Variants in ZNF804A observed in about 807,000 individuals in gnomAD.
ZNF804A encodes zinc finger protein 804A.
Under a neutral mutation model 16.5 loss-of-function variants are expected in ZNF804A, and 2 were observed. The observed-to-expected ratio is 0.12, with a 90% CI of 0.05 to 0.38. The LOEUF (loss-of-function observed/expected upper bound fraction) is 0.38, where lower values mean the gene tolerates loss of function less well. ZNF804A is among the 10% of genes least tolerant of loss of function. ZNF804A has a pLI of 0.99. For missense variants in ZNF804A, 1,473 were observed against 1,390.7 expected, an observed-to-expected ratio of 1.06 and a Z score of -0.94; for synonymous variants, 534 against 489.6, an observed-to-expected ratio of 1.09 and a Z score of -1.20.
At chr2:184,814,664 T>C (rs917703443) in intron 1 of ZNF804A, among the ~76,000 whole-genome samples, 1 of 152,020 alleles carries the variant, frequency 6.6e-6, no homozygotes, top group Non-Finnish European at 1.5e-5. Flanking sequence ...TAATCACTTG[T>C]CTGGTAGCTG....
chr2:184,764,436 T>G (rs1694086307), intron 1 of ZNF804A, among the ~76,000 whole-genome samples: 1 of 152,184 alleles, frequency 6.6e-6, no homozygotes, highest in African/African-American at 2.4e-5. Flanking sequence ...CACCTCAATT[T>G]CCTTGAGTAA....
intron 1 of ZNF804A, among the ~76,000 whole-genome samples, chr2:184,824,921 C>G (rs1695136018): frequency 6.6e-6 from 1 of 152,052 alleles, no homozygotes; most frequent in South Asian, 2.1e-4. Context: ...CCATTTGTGA[C>G]CTACTCTTAG....
chr2:184,863,038 T>G (rs2105809589), intron 1 of ZNF804A, among the ~76,000 whole-genome samples: 1 of 152,228 alleles, frequency 6.6e-6, no homozygotes, highest in South Asian at 2.1e-4. Flanking sequence ...ATTTAAAAAT[T>G]ATTTGAGTAA....
intron 1 of ZNF804A, among the ~76,000 whole-genome samples, chr2:184,774,920 C>CT (rs545485603): frequency 7.3e-4 from 108 of 148,098 alleles, no homozygotes; most frequent in African/African-American, 1.7e-3. Flanking sequence ...GGATCACTCT[C>CT]TTTTTTTTTT....
At chr2:184,619,249 T>G (rs1691380208) in intron 1 of ZNF804A, among the ~76,000 whole-genome samples, 1 of 152,076 alleles carries the variant, frequency 6.6e-6, no homozygotes. Context: ...ATGCATGTAT[T>G]TATGCATATA....
chr2:184,868,796 A>G (rs1018329300), intron 2 of ZNF804A, among the ~76,000 whole-genome samples: 5 of 152,000 alleles, frequency 3.3e-5, no homozygotes, highest in Non-Finnish European at 7.4e-5. Context: ...CTGCTAATAA[A>G]CATACTTAAG....
At chr2:184,765,669 CT>C (rs1164353618) in intron 1 of ZNF804A, among the ~76,000 whole-genome samples, 1 of 146,820 alleles carries the variant, frequency 6.8e-6, no homozygotes, top group Non-Finnish European at 1.5e-5. Flanking sequence ...GGGAGCTCAG[CT>C]TTTGAGACAG....
At chr2:184,621,841 T>G (rs1281461213) in intron 1 of ZNF804A, among the ~76,000 whole-genome samples, 1 of 151,824 alleles carries the variant, frequency 6.6e-6, no homozygotes, top group Non-Finnish European at 1.5e-5. Context: ...TTAATAGCAT[T>G]ATGCTATCAA....
intron 1 of ZNF804A, among the ~76,000 whole-genome samples, chr2:184,678,995 C>T (rs1328692187): frequency 1.3e-5 from 2 of 151,868 alleles, no homozygotes; most frequent in African/African-American, 2.4e-5. Flanking sequence ...TAGTGAGACT[C>T]GGTTATAAAA....
chr2:184,622,818 A>T (rs1316021672), intron 1 of ZNF804A, among the ~76,000 whole-genome samples: 4 of 152,054 alleles, frequency 2.6e-5, no homozygotes, highest in Admixed American at 6.6e-5. Context: ...AAGAACTTAG[A>T]ACCGGAATAC....
At chr2:184,925,516 G>A (rs1423204398) in intron 2 of ZNF804A, among the ~76,000 whole-genome samples, 2 of 151,720 alleles carry the variant, frequency 1.3e-5, no homozygotes, top group African/African-American at 2.4e-5. Context: ...CTTTTGATTG[G>A]AGAGTTTAGT....
chr2:184,651,781 C>CA (rs1398479852), intron 1 of ZNF804A, among the ~76,000 whole-genome samples: 2 of 151,862 alleles, frequency 1.3e-5, no homozygotes, highest in Non-Finnish European at 2.9e-5. Flanking sequence ...ATCAATAATT[C>CA]AAAAAATAAT....
Position 184,807,256 on chromosome 2 carries a change from G to A in ZNF804A, c.112-59113G>A, listed in dbSNP as rs754812154. On this transcript the variant is annotated intron_variant, in intron 1 of 3. Transcript: ENST00000302277. ...AAGCCTAGTGTCAACTTGTCATCAT[G>A]TTACATTTAAGGTAGTTATTAAAAT... Among the ~76,000 whole-genome samples, 56 of 151,948 alleles carry A rather than the reference G, an allele frequency of 3.7e-4. 1 individual carries two copies. The highest frequency in any genetic ancestry group is 2.6e-4 in the Admixed American group (4 of 15,266).
chr2:184,857,369 T>G (rs572380631), intron 1 of ZNF804A, among the ~76,000 whole-genome samples: 1 of 152,232 alleles, frequency 6.6e-6, no homozygotes, highest in South Asian at 2.1e-4. Context: ...TTTCTTAAAT[T>G]TATTAAAACT....
chr2:184,771,834 CTT>C (rs1452119053), intron 1 of ZNF804A, among the ~76,000 whole-genome samples: 1 of 152,052 alleles, frequency 6.6e-6, no homozygotes, highest in African/African-American at 2.4e-5. Flanking sequence ...AACTAAGAGT[CTT>C]TTATAAAACA....
At chr2:184,626,941 T>C (rs1691516277) in intron 1 of ZNF804A, among the ~76,000 whole-genome samples, 1 of 152,196 alleles carries the variant, frequency 6.6e-6, no homozygotes, top group Admixed American at 6.5e-5. Context: ...GGAGAATTAA[T>C]GCCCACTAAA....
Position 184,920,902 on chromosome 2 carries a change from C to G in ZNF804A, c.256-12701C>G, listed in dbSNP as rs150891791. On this transcript the variant is annotated intron_variant, in intron 2 of 3. Coordinates refer to ENST00000302277, the MANE Select transcript of ZNF804A (RefSeq NM_194250.2). ...TCCTCCCGATGAAAATACACCTTAG[C>G]CAACTTCTTGATTGATGAAAGGACA... is the stretch of plus-strand genomic sequence containing the variant. Among the ~76,000 whole-genome samples, 495 of 152,230 alleles carry G rather than the reference C, an allele frequency of 3.3e-3. 2 individuals carry two copies. The highest frequency in any genetic ancestry group is 0.011 in the African/African-American group (474 of 41,546).
chr2:184,939,004 T>A lies in ZNF804A; in HGVS notation c.3608T>A (p.Ile1203Asn). The A allele has an allele frequency of 1.2e-6, 2 of 1,613,804 alleles. No homozygotes were observed. The highest frequency in any genetic ancestry group is 1.7e-6 in the Non-Finnish European group (2 of 1,179,814). The change falls in exon 4 of 4, where the codon ATC (isoleucine) becomes AAC (asparagine). Residue 1203 changes from isoleucine (I) to asparagine (N), a missense_variant. Coordinates refer to ENST00000302277, the MANE Select transcript of ZNF804A (RefSeq NM_194250.2). ...PSLLSPHPTV[I>N]PLQPLF ...CTGCTTTCCCCACACCCTACTGTCATCCCTTTGCAACCTCTCTTCTAGTCA... is the reference window on the plus strand; with the variant it reads ...CTGCTTTCCCCACACCCTACTGTCAACCCTTTGCAACCTCTCTTCTAGTCA...
At chr2:184,827,880 CA>C (rs920351948) in intron 1 of ZNF804A, among the ~76,000 whole-genome samples, 28 of 151,618 alleles carry the variant, frequency 1.8e-4, no homozygotes, top group African/African-American at 6.5e-4. Flanking sequence ...GTTGATATTC[CA>C]AATATCTTTA....
Sources: allele counts gnomAD v4.1 joint callset (sites outside exome capture counted in the v4.1 genomes callset), GRCh38; gene constraint gnomAD v4.1.1; transcripts MANE v1.5; gene names NCBI Gene and HGNC (gene_info 2026-07-23, HGNC 2026-07-21).